The following KIF25 variants were observed in gnomAD, a reference collection of about 807,000 sequenced individuals.
The protein encoded by KIF25 is kinesin-like protein KIF25.
A neutral mutation model predicts 32.9 loss-of-function variants in KIF25; 19 were observed. The ratio of observed to expected loss-of-function variants is 0.58; its 90% CI spans 0.40 to 0.85. KIF25 has a LOEUF of 0.85. Among genes scored for constraint, KIF25 ranks in the 40% least tolerant of loss-of-function variants. The probability of loss-of-function intolerance (pLI) is 0.00; values close to 1 mark genes in which losing one functional copy is unlikely to be tolerated. For synonymous variants in KIF25, 225 were observed against 213.7 expected (o/e 1.05, Z -0.46); for missense variants, 485 against 507.0 (o/e 0.96, Z 0.42).
chr6:168,001,688 T>G (rs71573437), intron 2 of KIF25, among the ~76,000 whole-genome samples: 2,237 of 64,604 alleles, frequency 0.035, 50 homozygotes, highest in East Asian at 0.069. Context: ...AGGCGTGGCC[T>G]CGGGCAGGTG....
chr6:168,044,048 G>A (rs1799175295), intron 12 of KIF25, among the ~76,000 whole-genome samples: 2 of 152,226 alleles, frequency 1.3e-5, no homozygotes, highest in African/African-American at 4.8e-5. Flanking sequence ...GTCATGTGCA[G>A]ACTCAACCTA....
chr6:168,026,576 T>C (rs868789425), intron 5 of KIF25, among the ~76,000 whole-genome samples: 7 of 152,158 alleles, frequency 4.6e-5, no homozygotes, highest in South Asian at 2.1e-4. Context: ...TTATTTCCAT[T>C]CTAAAAAAAA....
intron 4 of KIF25, chr6:168,017,734 G>C (rs1798734756): frequency 6.6e-6 from 1 of 152,148 alleles, no homozygotes; most frequent in African/African-American, 2.4e-5. Flanking sequence ...ACCTTTTTGG[G>C]AAAGGGCCAG....
intron 4 of KIF25, among the ~76,000 whole-genome samples, chr6:168,008,102 C>T (rs1798602395): frequency 6.6e-6 from 1 of 152,146 alleles, no homozygotes. Flanking sequence ...TGGATTTGGC[C>T]TACCTTATGA....
Position 168,029,708 on chromosome 6 carries a change from C to G in KIF25, c.92+31C>G, listed in dbSNP as rs1036657428. 1.9e-6 allele frequency: 3 copies of G among 1,594,360 alleles called. No homozygotes were observed. The African/African-American group carries it at 4.0e-5, about 22-fold the overall frequency. ...CTTCAGCGTGAGAAGCAGGCCAGGC[C>G]TGGGTCTGGAGCCGGGTGATGTGCA... On this transcript the variant is annotated intron_variant, in intron 6 of 12. Transcript: ENST00000643607.
At position 168,038,738 on chromosome 6, in the gene KIF25, TG is replaced by T. The variant is rs1240965500; in HGVS notation, c.494+10del. 6.2e-7 allele frequency: 1 copy of T among 1,611,844 alleles called. No homozygotes were observed. Among genetic ancestry groups the T allele is most frequent in the East Asian group, 2.2e-5 (1 of 44,858 alleles). Reference sequence around the variant, plus strand: ...GCGCTGCTGGCCTCTGAGTGAGTACTGCACCTGCCCCGTGCTGCTGGCCTCT... The same window carrying T: ...GCGCTGCTGGCCTCTGAGTGAGTACTCACCTGCCCCGTGCTGCTGGCCTCT... On this transcript the variant is annotated intron_variant, in intron 9 of 12. Transcript: ENST00000643607.
At chr6:168,013,848 T>C (rs1262761624) in intron 4 of KIF25, among the ~76,000 whole-genome samples, 2 of 152,146 alleles carry the variant, frequency 1.3e-5, no homozygotes, top group African/African-American at 2.4e-5. Context: ...ACTCCCATGC[T>C]GCACTGCACA....
chr6:168,012,203 C>T (rs544105709), intron 4 of KIF25, among the ~76,000 whole-genome samples: 1 of 152,174 alleles, frequency 6.6e-6, no homozygotes, highest in South Asian at 2.1e-4. Flanking sequence ...TAATTAGGTT[C>T]TGTTACTAGA....
chr6:168,009,668 G>T (rs1425868846), intron 4 of KIF25, among the ~76,000 whole-genome samples: 1 of 152,086 alleles, frequency 6.6e-6, no homozygotes, highest in Non-Finnish European at 1.5e-5. Flanking sequence ...TTCTTTAAAG[G>T]TTTGGTCGAA....
intron 6 of KIF25, 91 bp from the exon 7 acceptor site, chr6:168,030,682 C>A: frequency 1.2e-6 from 1 of 859,048 alleles, no homozygotes; most frequent in Non-Finnish European, 1.9e-6. Flanking sequence ...GGGAAGTACA[C>A]GGGGCGTTGT....
At chr6:168,041,568 A>T (rs1799119633) in intron 10 of KIF25, among the ~76,000 whole-genome samples, 1 of 152,272 alleles carries the variant, frequency 6.6e-6, no homozygotes, top group Non-Finnish European at 1.5e-5. Flanking sequence ...ACACACTACA[A>T]AGACATTTGC....
rs1411672595 is a variant in KIF25, at chr6:168,040,115, A to G, written c.545A>G (p.Gln182Arg). ...KLMELVHGGL[Q>R]LRAKHPTLVH... is the part of the protein sequence containing the mutation. ...ATGGAGCTCGTTCATGGAGGTCTGC[A>G]GCTCAGGGCGAAGCACCCCACCCTG... Residue 182 changes from glutamine (Q) to arginine (R), a missense_variant, in exon 10 of 13, where the codon CAG becomes CGG. This residue lies in a region of KIF25 where 480 missense variants were observed against 470.3 expected (regional missense o/e 1.02). Coordinates refer to ENST00000643607, the MANE Select transcript of KIF25 (RefSeq NM_030615.4). The G allele has an allele frequency of 3.1e-6, 5 of 1,614,048 alleles. No individual in the cohort carries two copies. Among genetic ancestry groups the G allele is most frequent in the Non-Finnish European group, 4.2e-6 (5 of 1,179,994 alleles).
chr6:168,011,501 T>C (rs188602881), intron 4 of KIF25, among the ~76,000 whole-genome samples: 1 of 152,372 alleles, frequency 6.6e-6, no homozygotes, highest in African/African-American at 2.4e-5. Flanking sequence ...TTTCTTTCAA[T>C]CAGCAGTTTG....
intron 5 of KIF25, among the ~76,000 whole-genome samples, chr6:168,028,488 A>G (rs1423734049): frequency 2.6e-5 from 4 of 152,218 alleles, no homozygotes; most frequent in Non-Finnish European, 5.9e-5. Flanking sequence ...AAGCTGTCAT[A>G]GATAGAGTCT....
intron 4 of KIF25, among the ~76,000 whole-genome samples, chr6:168,013,215 C>A (rs1312443626): frequency 2.6e-5 from 4 of 151,632 alleles, no homozygotes; most frequent in Non-Finnish European, 4.4e-5. Context: ...AGGTGCCTCT[C>A]CTGCTTGGGG....
chr6:168,024,795 A>C (rs958596120), intron 5 of KIF25, among the ~76,000 whole-genome samples: 1 of 152,058 alleles, frequency 6.6e-6, no homozygotes, highest in African/African-American at 2.4e-5. Context: ...TCACGCCTGT[A>C]ATCCCAGCAC....
rs1433834941 is a variant in KIF25 at position 168,041,877 on chromosome 6, T to C, written c.647-92T>C. 4.6e-6 allele frequency: 6 copies of C among 1,314,392 alleles called. No individual in the cohort carries two copies. The Admixed American group carries it at 1.3e-4, about 28-fold the overall frequency. 81.4% of individuals were successfully genotyped at this position (1,314,392 alleles called of 1,614,324 possible). A position where few individuals can be genotyped will look rare whatever the true frequency, so the allele number is the denominator to read the frequency against. On this transcript the variant is annotated intron_variant, in intron 10 of 12. Transcript: ENST00000643607. Reference sequence around the variant, plus strand: ...GGGAGGTGTGGGCAGGAGGGTGCAGTTCAGAAGCTTCTCGGCTCTGACTGA... The same window carrying C: ...GGGAGGTGTGGGCAGGAGGGTGCAGCTCAGAAGCTTCTCGGCTCTGACTGA...
chr6:168,037,524 T>G (rs1192694995), intron 8 of KIF25, among the ~76,000 whole-genome samples: 2 of 152,016 alleles, frequency 1.3e-5, no homozygotes, highest in African/African-American at 4.8e-5. Flanking sequence ...TGTTATTTGG[T>G]GACGAGGTTG....
intron 5 of KIF25, among the ~76,000 whole-genome samples, chr6:168,025,902 CAG>C (rs1798853603): frequency 6.6e-6 from 1 of 152,162 alleles, no homozygotes; most frequent in African/African-American, 2.4e-5. Flanking sequence ...TACTGAGTGA[CAG>C]AGAAATTCCT....
Sources: gnomAD v4.1 joint callset for allele counts (sites outside exome capture counted in the v4.1 genomes callset) on GRCh38, gnomAD v4.1.1 for gene constraint, gnomAD v4.1.1 regional missense constraint, MANE v1.5 for transcripts, NCBI Gene and HGNC (gene_info 2026-07-23, HGNC 2026-07-21) for gene names.